MAP7: variants seen among roughly 807,000 people sequenced by gnomAD.
The protein encoded by MAP7 is ensconsin.
In MAP7, 52 loss-of-function variants were observed where a neutral mutation model predicts 94.8. The observed-to-expected ratio is 0.55, with a 90% confidence interval of 0.44 to 0.69. MAP7 has a LOEUF of 0.69. MAP7 is among the 30% of genes least tolerant of loss of function. MAP7 has a pLI of 0.00. For missense variants in MAP7, 940 were observed against 964.6 expected, an observed-to-expected ratio of 0.97 and a Z score of 0.34; for synonymous variants, 350 against 357.0, an observed-to-expected ratio of 0.98 and a Z score of 0.22.
intron 1 of MAP7, among the ~76,000 whole-genome samples, chr6:136,540,296 G>A (rs994343537): frequency 6.6e-6 from 1 of 152,110 alleles, no homozygotes; most frequent in South Asian, 2.1e-4. Context: ...GTGATCAGAG[G>A]TCAGGGGTCA....
intron 1 of MAP7, among the ~76,000 whole-genome samples, chr6:136,464,825 G>T (rs1389087109): frequency 6.6e-6 from 1 of 152,156 alleles, no homozygotes; most frequent in Non-Finnish European, 1.5e-5. Flanking sequence ...ACGTGCTTGG[G>T]ATACATCAGT....
chr6:136,537,458 T>TC (rs1371958566), intron 1 of MAP7, among the ~76,000 whole-genome samples: 1 of 152,234 alleles, frequency 6.6e-6, no homozygotes, highest in Admixed American at 6.5e-5. Context: ...TTGTATTTTT[T>TC]CTCTATCTGG....
At chr6:136,383,846 T>C in intron 5 of MAP7, 65 bp from the exon 6 acceptor site, 1 of 945,460 alleles carries the variant, frequency 1.1e-6, no homozygotes, top group Non-Finnish European at 1.7e-6. Flanking sequence ...CCTAGTTCAC[T>C]GATGGAAGGA....
chr6:136,412,426 T>C (rs1027436444), intron 2 of MAP7, among the ~76,000 whole-genome samples: 2 of 152,066 alleles, frequency 1.3e-5, no homozygotes, highest in African/African-American at 4.8e-5. Flanking sequence ...GACAAATAAG[T>C]ACTATACATA....
intron 1 of MAP7, among the ~76,000 whole-genome samples, chr6:136,494,038 C>G (rs1296698355): frequency 6.6e-6 from 1 of 152,110 alleles, no homozygotes; most frequent in Non-Finnish European, 1.5e-5. Context: ...CCATATAAAA[C>G]CACTTTTCTT....
intron 1 of MAP7, among the ~76,000 whole-genome samples, chr6:136,493,072 TTG>T (rs1817100084): frequency 6.6e-6 from 1 of 151,796 alleles, no homozygotes; most frequent in South Asian, 2.1e-4. Flanking sequence ...TGTGAAAGCA[TTG>T]TCTCATGTGT....
intron 11 of MAP7, 66 bp downstream of exon 11, chr6:136,362,384 A>G: frequency 6.4e-7 from 1 of 1,574,474 alleles, no homozygotes; most frequent in South Asian, 1.2e-5. Flanking sequence ...CCTCCCTCTC[A>G]GAGGGGTGAT....
At chr6:136,484,990 A>C (rs1354854461) in intron 1 of MAP7, among the ~76,000 whole-genome samples, 1 of 152,188 alleles carries the variant, frequency 6.6e-6, no homozygotes, top group African/African-American at 2.4e-5. Context: ...CACTGTGCCC[A>C]GACCCATGTT....
intron 10 of MAP7, chr6:136,364,268 T>C: frequency 3.7e-6 from 2 of 538,770 alleles, no homozygotes; most frequent in South Asian, 2.8e-5. Flanking sequence ...CTTTTTGGAC[T>C]GGCTTGTTTG....
intron 3 of MAP7, 40 bp downstream of exon 3, chr6:136,411,580 T>C (rs2128741244): frequency 1.3e-6 from 2 of 1,516,126 alleles, no homozygotes; most frequent in East Asian, 2.5e-5. Flanking sequence ...TATAGTGACA[T>C]CCATTCAAAT....
At chr6:136,507,082 C>T (rs963318117) in intron 1 of MAP7, among the ~76,000 whole-genome samples, 4 of 152,048 alleles carry the variant, frequency 2.6e-5, no homozygotes, top group African/African-American at 9.7e-5. Context: ...TGAATCGTTT[C>T]TGTTTTTTTG....
In MAP7 at chr6:136,356,952, C is replaced by T. The variant is rs1265066323; in HGVS notation, c.1913-158G>A. On this transcript the variant is annotated intron_variant, in intron 15 of 17. Coordinates refer to ENST00000354570, the MANE Select transcript of MAP7 (RefSeq NM_003980.6). ...CCTAAACTCTCTGTGCCTTAGTTTC[C>T]TCATTAGTAATAGTACCTACTTCAT... is the stretch of plus-strand genomic sequence containing the variant. 2.6e-5 allele frequency among the ~76,000 whole-genome samples: 4 copies of T among 152,052 alleles called. No homozygotes were observed. In the East Asian group the frequency reaches 7.7e-4, roughly 29 times the overall value.
At position 136,372,748 on chromosome 6, in the gene MAP7, G is replaced by A. The variant is rs556171233; in HGVS notation, c.752-123C>T. On this transcript the variant is annotated intron_variant, in intron 7 of 17. Coordinates refer to ENST00000354570, the MANE Select transcript of MAP7 (RefSeq NM_003980.6). ...GGAAAAGGAGCAAAGCAGAGATAGA[G>A]AGAAAAGTAGGAAGAAGATGTTATT... 27 of 1,213,690 alleles carry A rather than the reference G, an allele frequency of 2.2e-5. No individual in the cohort carries two copies. The South Asian group carries it at 3.3e-4, about 15-fold the overall frequency. 75.2% of individuals were successfully genotyped at this position (1,213,690 alleles called of 1,614,324 possible). A position where few individuals can be genotyped will look rare whatever the true frequency, so the allele number is the denominator to read the frequency against.
chr6:136,532,663 G>A (rs1828565858), intron 1 of MAP7, among the ~76,000 whole-genome samples: 1 of 151,036 alleles, frequency 6.6e-6, no homozygotes, highest in African/African-American at 2.4e-5. Context: ...TTCTGATCCT[G>A]AGATTCCATG....
chr6:136,482,903 A>G (rs1813352736), intron 1 of MAP7, among the ~76,000 whole-genome samples: 1 of 152,018 alleles, frequency 6.6e-6, no homozygotes, highest in South Asian at 2.1e-4. Context: ...TATATATTCC[A>G]TTTTGCTGCT....
chr6:136,547,555 T>A (rs1048552194), intron 1 of MAP7, among the ~76,000 whole-genome samples: 13 of 152,166 alleles, frequency 8.5e-5, no homozygotes, highest in Non-Finnish European at 1.6e-4. Flanking sequence ...TGGTGATGTC[T>A]TAAACTTGTT....
intron 1 of MAP7, among the ~76,000 whole-genome samples, chr6:136,476,725 C>G (rs1041972318): frequency 1.3e-5 from 2 of 152,112 alleles, no homozygotes; most frequent in Non-Finnish European, 2.9e-5. Context: ...AAAGCAAAGA[C>G]CAGTGAGTGT....
chr6:136,527,994 A>G (rs1828141055), intron 1 of MAP7, among the ~76,000 whole-genome samples: 1 of 152,228 alleles, frequency 6.6e-6, no homozygotes, highest in Non-Finnish European at 1.5e-5. Flanking sequence ...GGTCTTTGGA[A>G]TAAAATAGAA....
chr6:136,359,868 C>T lies in MAP7; in HGVS notation c.1864G>A (p.Asp622Asn). Residue 622 changes from aspartate (D) to asparagine (N), a missense_variant, in exon 15 of 18, where the codon GAT (aspartate) becomes AAT (asparagine). Transcript: ENST00000354570. ...TTGGCTATATCACCGTTTCTCTGAT[C>T]ACTGGTTTTCTACGAAGAAGAAAAA... is the stretch of plus-strand genomic sequence containing the variant. The part of the protein sequence containing the change: ...RTEATDKKTS[D>N]QRNGDIAKGA... 2.5e-6 allele frequency: 4 copies of T among 1,613,430 alleles called. No homozygotes were observed. In the East Asian group the frequency reaches 8.9e-5, roughly 36 times the overall value.
Sources: allele counts gnomAD v4.1 joint callset (sites outside exome capture counted in the v4.1 genomes callset), GRCh38; gene constraint gnomAD v4.1.1; transcripts MANE v1.5; gene names NCBI Gene and HGNC (gene_info 2026-07-23, HGNC 2026-07-21).